TRAP1: variants seen among roughly 807,000 people sequenced by gnomAD.
The protein encoded by TRAP1 is TNF receptor associated protein 1, also known as heat shock protein 75 kDa, mitochondrial.
TRAP1 carries 102 observed loss-of-function variants against 89.1 expected under a neutral mutation model. That is an observed-to-expected ratio of 1.15 (90% CI 0.98 to 1.35). The LOEUF (loss-of-function observed/expected upper bound fraction) is 1.35, where lower values mean the gene tolerates loss of function less well. TRAP1 is among the 40% of genes most tolerant of loss of function. TRAP1 has a pLI of 0.00. For missense variants in TRAP1, 1,256 were observed against 945.3 expected, an observed-to-expected ratio of 1.33 and a Z score of -4.31; for synonymous variants, 508 against 388.0, an observed-to-expected ratio of 1.31 and a Z score of -3.64.
intron 3 of TRAP1, chr16:3,687,169 C>T (rs1047224208): frequency 6.6e-6 from 1 of 152,116 alleles, no homozygotes; most frequent in African/African-American, 2.4e-5. Context: ...TCATGGGGGC[C>T]GTTTCCCCAG....
At chr16:3,702,834 G>A (rs146438267) in intron 1 of TRAP1, among the ~76,000 whole-genome samples, 6,861 of 151,554 alleles carry the variant, frequency 0.045, 207 homozygotes, top group Admixed American at 0.058. Flanking sequence ...CCTGAGGTTG[G>A]GAGTTTGAGA....
intron 11 of TRAP1, among the ~76,000 whole-genome samples, chr16:3,668,518 C>T (rs1596704732): frequency 6.6e-6 from 1 of 152,358 alleles, no homozygotes; most frequent in South Asian, 2.1e-4. Context: ...GAGAAGGCAA[C>T]TTCCTCTCAC....
chr16:3,671,675 G>A (rs779866714), intron 11 of TRAP1, 47 bp downstream of exon 11: 3 of 1,594,866 alleles, frequency 1.9e-6, no homozygotes, highest in South Asian at 1.1e-5. Context: ...GGAGCAGGTA[G>A]GGGCCTTGTC....
intron 14 of TRAP1, 50 bp downstream of exon 14, chr16:3,663,374 G>A (rs551498401): frequency 3.1e-5 from 50 of 1,610,922 alleles, no homozygotes; most frequent in East Asian, 2.0e-4. Flanking sequence ...CAGGAGAGGC[G>A]TGCGGGGAGT....
chr16:3,664,608 T>C, intron 12 of TRAP1, 149 bp from the exon 13 acceptor site: 1 of 816,682 alleles, frequency 1.2e-6, no homozygotes. Context: ...TCGGGGGTTG[T>C]CCGAGAGCAG....
chr16:3,712,089 G>C (rs1386632312), intron 1 of TRAP1, among the ~76,000 whole-genome samples: 1 of 151,970 alleles, frequency 6.6e-6, no homozygotes, highest in Non-Finnish European at 1.5e-5. Context: ...AAAAGATTGA[G>C]ACCATCTTGC....
chr16:3,677,584 G>A lies in TRAP1; in HGVS notation c.618C>T (p.Tyr206=). The A allele has an allele frequency of 6.2e-7, 1 of 1,614,192 alleles. No individual in the cohort carries two copies. The highest frequency in any genetic ancestry group is 8.5e-7 in the Non-Finnish European group (1 of 1,180,028). The change falls in exon 6 of 18, where the codon TAC becomes TAT. Residue 206 remains tyrosine, a synonymous_variant. Coordinates refer to ENST00000246957, the MANE Select transcript of TRAP1 (RefSeq NM_016292.3). ...KIIGQFGVGF[Y]SAFMVADRVE... is the part of the protein sequence containing the mutation. Reference sequence around the variant, plus strand: ...CTCTGTCAGCCACCATGAAAGCTGAGTAGAAACCCACTCCAAACTGGCCGA... The same window carrying A: ...CTCTGTCAGCCACCATGAAAGCTGAATAGAAACCCACTCCAAACTGGCCGA...
intron 9 of TRAP1, among the ~76,000 whole-genome samples, chr16:3,673,469 C>T (rs913967805): frequency 3.3e-5 from 5 of 152,248 alleles, no homozygotes; most frequent in Non-Finnish European, 1.5e-5. Context: ...ACCCACACCT[C>T]ATCACGGGAT....
At position 3,658,082 on chromosome 16, in the gene TRAP1, A is replaced by T; in HGVS notation, c.*47T>A. On this transcript the variant is annotated 3_prime_UTR_variant, in exon 18 of 18. Transcript: ENST00000246957. The stretch of plus-strand genomic sequence containing the variant: ...AAATTTAGGTAAATAAAGCTCAAGG[A>T]GGTGGGGCTGTCATCTGTGGTGTCA... 1 of 1,609,724 alleles carries T rather than the reference A, an allele frequency of 6.2e-7. No individual in the cohort carries two copies. The highest frequency in any genetic ancestry group is 8.5e-7 in the Non-Finnish European group (1 of 1,176,492).
At chr16:3,703,806 G>C (rs2051401730) in intron 1 of TRAP1, among the ~76,000 whole-genome samples, 1 of 149,960 alleles carries the variant, frequency 6.7e-6, no homozygotes. Flanking sequence ...ACGAGGTCAG[G>C]AGATCAAGAT....
intron 1 of TRAP1, among the ~76,000 whole-genome samples, chr16:3,705,203 T>C (rs1216080328): frequency 4.6e-5 from 7 of 152,040 alleles, no homozygotes; most frequent in Admixed American, 4.6e-4. Flanking sequence ...TAGCTGGGAC[T>C]ACAGGCGCCC....
Position 3,666,270 on chromosome 16 carries a change from A to T in TRAP1, c.1236-152T>A, listed in dbSNP as rs112660299. On this transcript the variant is annotated intron_variant, in intron 11 of 17. Transcript: ENST00000246957. ...GGCCAAACTGAAAAAGACTGAGCAG[A>T]AAGACAGAAACCCTGGGCAGTGGCC... 7.1e-4 allele frequency: 746 copies of T among 1,055,660 alleles called. 1 individual carries two copies. In the African/African-American group the frequency reaches 0.01, roughly 15 times the overall value. 65.4% of individuals were successfully genotyped at this position (1,055,660 alleles called of 1,614,324 possible).
chr16:3,698,885 CA>C (rs971954707), intron 1 of TRAP1, among the ~76,000 whole-genome samples: 1 of 144,796 alleles, frequency 6.9e-6, no homozygotes, highest in Non-Finnish European at 1.5e-5. Context: ...GGCCCTGTCT[CA>C]AAAAAAAAAT....
chr16:3,688,869 T>G (rs1221468713), intron 3 of TRAP1, among the ~76,000 whole-genome samples, 186 bp downstream of exon 3: 1 of 152,194 alleles, frequency 6.6e-6, no homozygotes, highest in South Asian at 2.1e-4. Context: ...TGGATACACT[T>G]ATCCAGGAAA....
rs146289224 is a variant in TRAP1 at position 3,716,704 on chromosome 16, A to T, written c.88+717T>A. ...TGTGTACAGCCCCGAAGCAATGCCG[A>T]AACTTTCACTGTTGTTACCTCCGAG... On this transcript the variant is annotated intron_variant, in intron 1 of 17. Transcript: ENST00000246957. 2.0e-4 allele frequency among the ~76,000 whole-genome samples: 30 copies of T among 152,364 alleles called. No individual in the cohort carries two copies. In the East Asian group the frequency reaches 5.2e-3, roughly 26 times the overall value.
intron 1 of TRAP1, among the ~76,000 whole-genome samples, chr16:3,706,828 T>C (rs1041516417): frequency 6.6e-6 from 1 of 152,142 alleles, no homozygotes; most frequent in African/African-American, 2.4e-5. Context: ...AATGCTGCTA[T>C]GAACATTCAT....
chr16:3,696,554 G>C (rs778334670), intron 1 of TRAP1, among the ~76,000 whole-genome samples: 9 of 152,108 alleles, frequency 5.9e-5, no homozygotes, highest in East Asian at 1.9e-4. Context: ...TAACTGGCTG[G>C]TGTAAGTTAC....
At chr16:3,711,254 C>A (rs773476200) in intron 1 of TRAP1, among the ~76,000 whole-genome samples, 2 of 152,038 alleles carry the variant, frequency 1.3e-5, no homozygotes, top group African/African-American at 2.4e-5. Context: ...ACCAATGATT[C>A]AGCTACATGT....
At chr16:3,704,929 T>G (rs1007537101) in intron 1 of TRAP1, among the ~76,000 whole-genome samples, 1 of 152,094 alleles carries the variant, frequency 6.6e-6, no homozygotes, top group Non-Finnish European at 1.5e-5. Flanking sequence ...AAATAAAAGC[T>G]AAAAGTACTG....
Sources: allele counts gnomAD v4.1 joint callset (sites outside exome capture counted in the v4.1 genomes callset), GRCh38; gene constraint gnomAD v4.1.1; transcripts MANE v1.5; gene names NCBI Gene and HGNC (gene_info 2026-07-23, HGNC 2026-07-21).